MRLN: variants seen among roughly 807,000 people sequenced by gnomAD.
MRLN encodes Linc-RNA activator of myogenesis.
rs1218195730 is a variant in MRLN, at chr10:59,736,957, A to T, written c.*103T>A. ...GCAGTGTCCTGTTGGCTTCTAGAAT[A>T]AATTGGCAATGTCATAAAATGTGAG... On this transcript the variant is annotated 3_prime_UTR_variant, in exon 3 of 3. Transcript: ENST00000414264. The T allele has an allele frequency of 2.6e-6, 1 of 378,824 alleles. No individual in the cohort carries two copies. Among genetic ancestry groups the T allele is most frequent in the Non-Finnish European group, 4.7e-6 (1 of 212,860 alleles). The allele number at this position is 378,824 out of a possible 1,614,324, so 23.5% of individuals were successfully genotyped here.
intron 1 of MRLN, among the ~76,000 whole-genome samples, chr10:59,745,483 T>A (rs1841034213): frequency 6.9e-6 from 1 of 144,906 alleles, no homozygotes; most frequent in Non-Finnish European, 1.5e-5. Context: ...CGGCAAATAA[T>A]TCCCCCCCCC....
intron 2 of MRLN, among the ~76,000 whole-genome samples, chr10:59,737,492 C>T (rs1840936905): frequency 6.6e-6 from 1 of 152,046 alleles, no homozygotes; most frequent in Non-Finnish European, 1.5e-5. Flanking sequence ...TGGCCATTCC[C>T]TTTTCATGTT....
intron 1 of MRLN, among the ~76,000 whole-genome samples, chr10:59,748,080 C>T (rs1321384877): frequency 8.1e-5 from 12 of 147,614 alleles, no homozygotes; most frequent in Non-Finnish European, 1.8e-4. Context: ...CTTATTAATG[C>T]TTTTTCTTTT....
intron 1 of MRLN, among the ~76,000 whole-genome samples, chr10:59,740,664 T>C (rs1007315407): frequency 6.6e-6 from 1 of 152,158 alleles, no homozygotes; most frequent in African/African-American, 2.4e-5. Context: ...GTGTTTGTGC[T>C]TTAAGCTAAG....
At position 59,738,579 on chromosome 10, in the gene MRLN, CA is replaced by C. The variant is rs1401878284; in HGVS notation, c.-124-18del. ...CCTTGATTCCTGTGTCAAATCATAG[CA>C]AAAAGTTTTACTGGACAGTGAGGTA... On this transcript the variant is annotated intron_variant, in intron 1 of 2. Coordinates refer to ENST00000414264, the MANE Select transcript of MRLN (RefSeq NM_001304731.2). The C allele has an allele frequency of 6.6e-6, 1 of 152,134 alleles. No individual in the cohort carries two copies. The highest frequency in any genetic ancestry group is 1.5e-5 in the Non-Finnish European group (1 of 68,020). The allele number at this position is 152,134 out of a possible 1,614,324, so 9.4% of individuals were successfully genotyped here.
chr10:59,747,211 C>T (rs1841052050), intron 1 of MRLN, among the ~76,000 whole-genome samples: 1 of 152,006 alleles, frequency 6.6e-6, no homozygotes, highest in African/African-American at 2.4e-5. Flanking sequence ...AAGTTTCTCC[C>T]CTTGACCTCC....
intron 1 of MRLN, chr10:59,738,943 A>C (rs1372887906): frequency 6.6e-6 from 1 of 152,106 alleles, no homozygotes; most frequent in Non-Finnish European, 1.5e-5. Context: ...AATATGGTGA[A>C]ACCCCGTCTC....
At chr10:59,741,485 C>T (rs951210924) in intron 1 of MRLN, among the ~76,000 whole-genome samples, 3 of 152,132 alleles carry the variant, frequency 2.0e-5, no homozygotes, top group African/African-American at 4.8e-5. Context: ...CAGGCTCAAG[C>T]GATGCTCCCA....
At chr10:59,742,680 C>T (rs1300472057) in intron 1 of MRLN, among the ~76,000 whole-genome samples, 1 of 150,074 alleles carries the variant, frequency 6.7e-6, no homozygotes, top group Non-Finnish European at 1.5e-5. Flanking sequence ...TCCTTCCTTC[C>T]CTTCCTTCCC....
chr10:59,739,131 A>T (rs1013052224), intron 1 of MRLN: 1 of 151,668 alleles, frequency 6.6e-6, no homozygotes, highest in Non-Finnish European at 1.5e-5. Flanking sequence ...TCAAAAAAAA[A>T]AAAAGAAAAG....
intron 1 of MRLN, among the ~76,000 whole-genome samples, chr10:59,744,607 G>A (rs1841023787): frequency 6.6e-6 from 1 of 152,218 alleles, no homozygotes; most frequent in Admixed American, 6.5e-5. Context: ...GGTCTGGGAG[G>A]TGTACCCAAC....
rs577916653 is a variant in MRLN at position 59,741,845 on chromosome 10, A to G, written c.-124-3283T>C. On this transcript the variant is annotated intron_variant, in intron 1 of 2. Transcript: ENST00000414264. Reference sequence around the variant, plus strand: ...AGGTGTGCACCGCCTTGCCTGGCTAATTTTTAATTTTTTGTAGAGACGGAG... The same window carrying G: ...AGGTGTGCACCGCCTTGCCTGGCTAGTTTTTAATTTTTTGTAGAGACGGAG... 2.6e-5 allele frequency among the ~76,000 whole-genome samples: 4 copies of G among 152,086 alleles called. No homozygotes were observed. The East Asian group carries it at 7.8e-4, about 29-fold the overall frequency.
chr10:59,748,387 T>C (rs903854814), intron 1 of MRLN, among the ~76,000 whole-genome samples: 4 of 152,234 alleles, frequency 2.6e-5, no homozygotes, highest in African/African-American at 9.6e-5. Flanking sequence ...AGTTGAATTA[T>C]ATGAGAAAGG....
intron 1 of MRLN, chr10:59,739,667 A>T (rs1020041332): frequency 1.1e-4 from 16 of 152,348 alleles, no homozygotes; most frequent in African/African-American, 3.8e-4. Context: ...TTTACAAACA[A>T]ATTAGAAAAT....
intron 1 of MRLN, among the ~76,000 whole-genome samples, chr10:59,751,669 CAAAAAAAA>C (rs10652105): frequency 2.4e-5 from 2 of 82,402 alleles, no homozygotes; most frequent in Admixed American, 1.6e-4. Flanking sequence ...GACTCTGTCT[CAAAAAAAA>C]AAAAAAAAAA....
intron 1 of MRLN, among the ~76,000 whole-genome samples, chr10:59,745,743 A>T (rs1841037483): frequency 6.6e-6 from 1 of 151,994 alleles, no homozygotes; most frequent in Non-Finnish European, 1.5e-5. Flanking sequence ...TAGACAAATG[A>T]GAGTAGCAGG....
Position 59,736,878 on chromosome 10 carries a change from G to A in MRLN, c.*182C>T, listed in dbSNP as rs1268559940. The A allele has an allele frequency of 3.4e-6, 1 of 295,880 alleles. No individual in the cohort carries two copies. Among genetic ancestry groups the A allele is most frequent in the East Asian group, 5.0e-5 (1 of 19,900 alleles). The allele number at this position is 295,880 out of a possible 1,614,324, so 18.3% of individuals were successfully genotyped here. On this transcript the variant is annotated 3_prime_UTR_variant, in exon 3 of 3. Coordinates refer to ENST00000414264, the MANE Select transcript of MRLN (RefSeq NM_001304731.2). ...GGGAAAAAAATTCACTTCAGTATATGTGAATGTTTCATAAACCATAAAGAA... is the reference window on the plus strand; with the variant it reads ...GGGAAAAAAATTCACTTCAGTATATATGAATGTTTCATAAACCATAAAGAA...
intron 1 of MRLN, among the ~76,000 whole-genome samples, chr10:59,742,267 C>T (rs1321014998): frequency 6.6e-6 from 1 of 152,038 alleles, no homozygotes; most frequent in Non-Finnish European, 1.5e-5. Context: ...TAGACAAAAA[C>T]AAAGATGAAT....
chr10:59,745,356 T>G (rs1841032751), intron 1 of MRLN, among the ~76,000 whole-genome samples: 1 of 152,152 alleles, frequency 6.6e-6, no homozygotes, highest in Admixed American at 6.5e-5. Context: ...AGGACCTTGG[T>G]CTTATCTCCA....
Sources: allele counts gnomAD v4.1 joint callset (sites outside exome capture counted in the v4.1 genomes callset), GRCh38; gene constraint gnomAD v4.1.1; transcripts MANE v1.5; gene names NCBI Gene and HGNC (gene_info 2026-07-23, HGNC 2026-07-21).